The following CBFA2T2 variants were observed in gnomAD, a reference collection of about 807,000 sequenced individuals.
CBFA2T2 encodes the protein protein CBFA2T2.
Under a neutral mutation model 62.2 loss-of-function variants are expected in CBFA2T2, and 11 were observed. That is an observed-to-expected ratio of 0.18 (90% CI 0.11 to 0.29). The LOEUF is 0.29. Ranked by LOEUF, CBFA2T2 falls within the 10% of genes least tolerant of loss-of-function variation. CBFA2T2 has a pLI of 1.00. For synonymous variants in CBFA2T2, 295 were observed against 287.5 expected, an observed-to-expected ratio of 1.03 and a Z score of -0.27; for missense variants, 592 against 774.1, an observed-to-expected ratio of 0.76 and a Z score of 2.79.
At position 33,528,586 on chromosome 20, in the gene CBFA2T2, C is replaced by T. The variant is rs747737324; in HGVS notation, c.34+38285C>T. ...GTTATATTCTTGTTCCCAGCCCATG[C>T]GTGTGGAATCAGGGATATGACTTAC... On this transcript the variant is annotated intron_variant, in intron 1 of 10. Coordinates refer to ENST00000342704, the MANE Select transcript of CBFA2T2 (RefSeq NM_001032999.3). Among the ~76,000 whole-genome samples, 75 of 152,284 alleles carry T rather than the reference C, an allele frequency of 4.9e-4. 1 individual carries two copies. Among genetic ancestry groups the T allele is most frequent in the Non-Finnish European group, 7.8e-4 (53 of 68,032 alleles).
chr20:33,632,376 C>T (rs1380034896), intron 8 of CBFA2T2, among the ~76,000 whole-genome samples: 1 of 151,960 alleles, frequency 6.6e-6, no homozygotes, highest in African/African-American at 2.4e-5. Flanking sequence ...AGTTGTTTTA[C>T]ATTCTGGCAT....
At chr20:33,536,065 ACTT>A (rs909634760) in intron 1 of CBFA2T2, among the ~76,000 whole-genome samples, 1 of 152,226 alleles carries the variant, frequency 6.6e-6, no homozygotes, top group African/African-American at 2.4e-5. Flanking sequence ...TCACATGTCT[ACTT>A]CTTTCTACAC....
intron 1 of CBFA2T2, among the ~76,000 whole-genome samples, chr20:33,585,322 C>T (rs1287164804): frequency 6.6e-6 from 1 of 152,166 alleles, no homozygotes; most frequent in African/African-American, 2.4e-5. Context: ...TTATCCCCAT[C>T]GTGTCATCAG....
At position 33,640,496 on chromosome 20, in the gene CBFA2T2, T is replaced by G. The variant is rs764248714; in HGVS notation, c.1453T>G (p.Phe485Val). 6.2e-7 allele frequency: 1 copy of G among 1,614,206 alleles called. No individual in the cohort carries two copies. The highest frequency in any genetic ancestry group is 2.2e-5 in the East Asian group (1 of 44,878). The change falls in exon 10 of 11, where the codon TTC becomes GTC. Residue 485 changes from phenylalanine (F) to valine (V), a missense_variant. Around this residue, in one of 3 missense-constraint regions of CBFA2T2, gnomAD observed 58 missense variants for 123.9 expected, o/e 0.47. Transcript: ENST00000342704. Reference protein sequence around the residue: ...DVKRQAAEDAFLVINEQEEST... With the variant: ...DVKRQAAEDAVLVINEQEEST... ...CAAGCGGCAGGCCGCAGAGGATGCT[T>G]TCCTCGTCATCAATGAGCAAGAGGA...
chr20:33,591,263 C>T (rs550145748), intron 1 of CBFA2T2, among the ~76,000 whole-genome samples: 2 of 150,904 alleles, frequency 1.3e-5, no homozygotes, highest in African/African-American at 4.9e-5. Flanking sequence ...ACAGGTGGAT[C>T]ACTTGAGGCC....
chr20:33,503,884 CT>C (rs1437039023), intron 1 of CBFA2T2, among the ~76,000 whole-genome samples: 1 of 150,194 alleles, frequency 6.7e-6, no homozygotes, highest in Non-Finnish European at 1.5e-5. Context: ...GAGAAAAAAA[CT>C]TGCTCTTTTT....
intron 1 of CBFA2T2, among the ~76,000 whole-genome samples, chr20:33,586,257 C>T (rs1290889849): frequency 6.6e-6 from 1 of 152,122 alleles, no homozygotes; most frequent in Admixed American, 6.6e-5. Context: ...CAGCTCATTG[C>T]AACCTCTGCC....
chr20:33,604,904 T>A (rs1387939882), intron 1 of CBFA2T2, among the ~76,000 whole-genome samples: 2 of 152,008 alleles, frequency 1.3e-5, no homozygotes, highest in African/African-American at 4.8e-5. Context: ...ATTGAGAAAA[T>A]ACTGTCAGGA....
intron 10 of CBFA2T2, among the ~76,000 whole-genome samples, chr20:33,642,962 C>G (rs1045453596): frequency 6.6e-6 from 1 of 152,192 alleles, no homozygotes; most frequent in African/African-American, 2.4e-5. Flanking sequence ...CTGGACCTAT[C>G]CCTGCAAAAT....
At chr20:33,568,265 C>T (rs2013420132) in intron 1 of CBFA2T2, among the ~76,000 whole-genome samples, 1 of 152,170 alleles carries the variant, frequency 6.6e-6, no homozygotes. Context: ...TTCCCAGTCC[C>T]CCAAAAACAT....
chr20:33,519,812 G>A (rs2011681359), intron 1 of CBFA2T2, among the ~76,000 whole-genome samples: 1 of 152,112 alleles, frequency 6.6e-6, no homozygotes, highest in Non-Finnish European at 1.5e-5. Context: ...AGGAGCATTG[G>A]TGTCTCAGAG....
chr20:33,536,338 C>G (rs1250219396), intron 1 of CBFA2T2, among the ~76,000 whole-genome samples: 4 of 144,792 alleles, frequency 2.8e-5, no homozygotes, highest in Non-Finnish European at 4.7e-5. Flanking sequence ...GGCGGCTGGC[C>G]GGGCAGAGGG....
chr20:33,623,080 G>T (rs1366472158), intron 4 of CBFA2T2, 35 bp from the exon 5 acceptor site: 19 of 1,611,120 alleles, frequency 1.2e-5, no homozygotes, highest in Admixed American at 8.3e-5. Flanking sequence ...CTTGTGTAGG[G>T]CCTAACACTG....
chr20:33,591,179 C>CAAAAAAAAAAA (rs80021195), intron 1 of CBFA2T2, among the ~76,000 whole-genome samples: 6 of 82,040 alleles, frequency 7.3e-5, no homozygotes, highest in Non-Finnish European at 1.1e-4. Flanking sequence ...AACTCCCTCT[C>CAAAAAAAAAAA]AAAAAAAAAA....
At chr20:33,572,679 T>G (rs879463243) in intron 1 of CBFA2T2, among the ~76,000 whole-genome samples, 1 of 152,158 alleles carries the variant, frequency 6.6e-6, no homozygotes, top group African/African-American at 2.4e-5. Flanking sequence ...GATGTAGATA[T>G]AATGTAGTGG....
At chr20:33,574,237 C>T in intron 1 of CBFA2T2, 3 of 1,613,476 alleles carry the variant, frequency 1.9e-6, no homozygotes, top group Non-Finnish European at 2.5e-6. Context: ...GAAAGAAATA[C>T]AGGTCCTGGC....
At chr20:33,495,386 C>CA (rs1214253879) in intron 1 of CBFA2T2, among the ~76,000 whole-genome samples, 5,039 of 53,130 alleles carry the variant, frequency 0.095, 153 homozygotes, top group East Asian at 0.13. Context: ...AACTCTATCT[C>CA]AAAAAAAAAA....
chr20:33,618,986 A>C (rs2015820992), intron 3 of CBFA2T2, among the ~76,000 whole-genome samples: 1 of 152,156 alleles, frequency 6.6e-6, no homozygotes, highest in Admixed American at 6.5e-5. Context: ...GGAATCAAGG[A>C]GGGTTTCTGT....
intron 7 of CBFA2T2, 80 bp downstream of exon 7, chr20:33,628,515 A>T: frequency 1.0e-6 from 1 of 966,824 alleles, no homozygotes; most frequent in Non-Finnish European, 1.7e-6. Context: ...GTCACCCAGG[A>T]TGGAGTGCAG....
Sources: allele counts gnomAD v4.1 joint callset (sites outside exome capture counted in the v4.1 genomes callset), GRCh38; gene constraint gnomAD v4.1.1; regional missense constraint gnomAD v4.1.1; transcripts MANE v1.5; gene names NCBI Gene and HGNC (gene_info 2026-07-23, HGNC 2026-07-21).